The following MAPK10 variants were observed in gnomAD, a reference collection of about 807,000 sequenced individuals.
MAPK10 encodes JNK3 alpha protein kinase.
Under a neutral mutation model 59.3 loss-of-function variants are expected in MAPK10, and 25 were observed. That is an observed-to-expected ratio of 0.42 (90% CI 0.31 to 0.59). MAPK10 has a LOEUF of 0.59. Ranked by LOEUF, MAPK10 falls within the 20% of genes least tolerant of loss-of-function variation. The probability of loss-of-function intolerance (pLI) is 0.15; values close to 1 mark genes in which losing one functional copy is unlikely to be tolerated. For missense variants in MAPK10, 351 were observed against 568.9 expected, an observed-to-expected ratio of 0.62 and a Z score of 3.90; for synonymous variants, 190 against 200.5, an observed-to-expected ratio of 0.95 and a Z score of 0.44.
intron 2 of MAPK10, among the ~76,000 whole-genome samples, chr4:86,342,098 A>T (rs17011756): frequency 0.56 from 84,752 of 152,024 alleles, 24,484 homozygotes; most frequent in South Asian, 0.7. Context: ...ATTGACAAGA[A>T]CACTGATGCA....
intron 1 of MAPK10, chr4:86,358,322 G>A (rs1052951146): frequency 4.1e-6 from 4 of 985,426 alleles, no homozygotes; most frequent in Non-Finnish European, 4.8e-6. Context: ...ACTAGCCGAT[G>A]AGGGATAGAA....
At chr4:86,321,522 G>A (rs1456363468) in intron 2 of MAPK10, among the ~76,000 whole-genome samples, 1 of 148,466 alleles carries the variant, frequency 6.7e-6, no homozygotes, top group African/African-American at 2.5e-5. Context: ...ACTCAAAGGT[G>A]GGAATTGAGC....
chr4:86,464,272 A>G (rs1173733834), intron 1 of MAPK10, among the ~76,000 whole-genome samples: 1 of 152,266 alleles, frequency 6.6e-6, no homozygotes. Flanking sequence ...GGTGCTAAGA[A>G]TGTTTTTACA....
At chr4:86,546,553 TTC>T (rs1212563802) in intron 1 of MAPK10, among the ~76,000 whole-genome samples, 3 of 87,760 alleles carry the variant, frequency 3.4e-5, no homozygotes, top group Admixed American at 3.3e-4. Flanking sequence ...GCGAAACTCC[TTC>T]TAAAAAAAAA....
chr4:86,255,132 A>G (rs2093651060), intron 2 of MAPK10, among the ~76,000 whole-genome samples: 2 of 152,178 alleles, frequency 1.3e-5, no homozygotes, highest in Admixed American at 6.5e-5. Flanking sequence ...GAGATGTGGT[A>G]GGATCGAGGG....
chr4:86,105,787 T>C (rs1012181542), intron 5 of MAPK10, among the ~76,000 whole-genome samples: 3 of 152,162 alleles, frequency 2.0e-5, no homozygotes, highest in African/African-American at 7.2e-5. Context: ...CTCATGTTTG[T>C]TGCATGGCCA....
At chr4:86,409,207 G>A (rs951003223) in intron 1 of MAPK10, among the ~76,000 whole-genome samples, 1 of 152,148 alleles carries the variant, frequency 6.6e-6, no homozygotes, top group Non-Finnish European at 1.5e-5. Context: ...AGATCAGATG[G>A]TTGTAGACGT....
intron 9 of MAPK10, among the ~76,000 whole-genome samples, chr4:86,075,328 C>T (rs531570332): frequency 6.6e-6 from 1 of 151,960 alleles, no homozygotes; most frequent in East Asian, 1.9e-4. Context: ...ACTTCTTTGC[C>T]TTTGGTTTGA....
chr4:86,152,605 A>G (rs2066747055), intron 4 of MAPK10: 1 of 152,214 alleles, frequency 6.6e-6, no homozygotes, highest in Admixed American at 6.5e-5. Flanking sequence ...ATTCAAATCC[A>G]TGATTAGCAA....
chr4:86,484,747 A>T (rs1204816555), intron 1 of MAPK10, among the ~76,000 whole-genome samples: 1 of 71,398 alleles, frequency 1.4e-5, no homozygotes, highest in Non-Finnish European at 3.6e-5. Flanking sequence ...TACAGATTTA[A>T]AAAAAAACTG....
chr4:86,016,076 G>C lies in MAPK10; in HGVS notation c.*1152C>G, dbSNP rs2148887718. The stretch of plus-strand genomic sequence containing the variant: ...CACAATCTGAAAGTAGTCTAGGCAG[G>C]CTCATTTTTTTGTTGAAGGAATTCA... On this transcript the variant is annotated 3_prime_UTR_variant, in exon 14 of 14. Transcript: ENST00000641462. 6.6e-6 allele frequency: 1 copy of C among 152,228 alleles called. No homozygotes were observed. Among genetic ancestry groups the C allele is most frequent in the South Asian group, 2.1e-4 (1 of 4,806 alleles). The allele number at this position is 152,228 out of a possible 1,614,324, so 9.4% of individuals were successfully genotyped here. A position where few individuals can be genotyped will look rare whatever the true frequency, so the allele number is the denominator to read the frequency against.
In MAPK10 at chr4:86,359,662, C is replaced by T. The variant is rs967235664; in HGVS notation, c.-126G>A. 10 of 985,730 alleles carry T rather than the reference C, an allele frequency of 1.0e-5. No individual in the cohort carries two copies. The highest frequency in any genetic ancestry group is 1.2e-5 in the Non-Finnish European group (10 of 829,934). 61.1% of individuals were successfully genotyped at this position (985,730 alleles called of 1,614,324 possible). ...AACGAGCAAAGAGCCACCTACCATT[C>T]CGTGCCTGAGAACTACGATCCTGAT... On this transcript the variant is annotated 5_prime_UTR_variant, in exon 1 of 14. Transcript: ENST00000641462.
intron 2 of MAPK10, among the ~76,000 whole-genome samples, chr4:86,257,033 G>A (rs2093772119): frequency 6.6e-6 from 1 of 151,872 alleles, no homozygotes; most frequent in Non-Finnish European, 1.5e-5. Flanking sequence ...GGTTGCATTA[G>A]GTCTTTTACA....
intron 2 of MAPK10, among the ~76,000 whole-genome samples, chr4:86,207,657 T>A (rs1282127299): frequency 6.6e-6 from 1 of 152,198 alleles, no homozygotes; most frequent in Non-Finnish European, 1.5e-5. Flanking sequence ...ATTTTCACGA[T>A]ATTGATTCTT....
At chr4:86,457,533 A>C (rs572037776), upstream of MAPK10, among the ~76,000 whole-genome samples, 212 of 152,344 alleles carry the variant, frequency 1.4e-3, no homozygotes, top group African/African-American at 4.8e-3. Flanking sequence ...CTGAGAATCA[A>C]ATCAAGAATT....
intron 1 of MAPK10, among the ~76,000 whole-genome samples, chr4:86,402,031 CT>C (rs953275923): frequency 6.6e-6 from 1 of 152,150 alleles, no homozygotes; most frequent in African/African-American, 2.4e-5. Flanking sequence ...ATAGTAATTA[CT>C]TCCATATGAG....
At chr4:86,568,541 T>C (rs7435744) in intron 1 of MAPK10, among the ~76,000 whole-genome samples, 34,332 of 152,064 alleles carry the variant, frequency 0.23, 4,600 homozygotes, top group Admixed American at 0.3. Context: ...TTTCAAATTA[T>C]ACTATAACCA....
rs765188153 is a variant in MAPK10, at chr4:86,017,310, G to T, written c.1313C>A (p.Ser438Tyr). Reference protein sequence around the residue: ...PPSSSVNDISSMSTDQTLASD... With the variant: ...PPSSSVNDISYMSTDQTLASD... ...TGCCAGGGTCTGGTCGGTGGACATG[G>T]AGGAGATGTCATTGACAGACGAGGA... Residue 438 changes from serine (S) to tyrosine (Y), a missense_variant, in exon 14 of 14, where the codon TCC (serine) becomes TAC (tyrosine). Ser to Tyr is a moderately radical substitution (Grantham distance 144). This residue lies in a region of MAPK10 where 155 missense variants were observed against 204.2 expected (regional missense o/e 0.76). Coordinates refer to ENST00000641462, the MANE Select transcript of MAPK10 (RefSeq NM_138982.4). The surrounding 1 kb of genome is among the most constrained non-coding windows in gnomAD (Gnocchi z 4.4). 2.5e-6 allele frequency: 4 copies of T among 1,614,178 alleles called. No individual in the cohort carries two copies. In the South Asian group the frequency reaches 4.4e-5, roughly 18 times the overall value.
At chr4:86,546,136 T>C (rs1759134119) in intron 1 of MAPK10, among the ~76,000 whole-genome samples, 1 of 152,070 alleles carries the variant, frequency 6.6e-6, no homozygotes, top group East Asian at 1.9e-4. Context: ...GGCAGAAGAA[T>C]CTATTGAACC....
Sources: allele counts gnomAD v4.1 joint callset (sites outside exome capture counted in the v4.1 genomes callset), GRCh38; gene constraint gnomAD v4.1.1; regional missense constraint gnomAD v4.1.1; non-coding constraint Gnocchi (gnomAD v3.1); transcripts MANE v1.5; gene names NCBI Gene and HGNC (gene_info 2026-07-23, HGNC 2026-07-21).